Variants in CDK5RAP2 observed in about 807,000 individuals in gnomAD.
CDK5RAP2 encodes the protein CDK5 regulatory subunit associated protein 2.
A neutral mutation model predicts 232.9 loss-of-function variants in CDK5RAP2; 147 were observed. The observed-to-expected ratio is 0.63, with a 90% confidence interval of 0.55 to 0.72. The LOEUF (loss-of-function observed/expected upper bound fraction) is 0.72. Ranked by LOEUF, CDK5RAP2 falls within the 30% of genes least tolerant of loss-of-function variation. CDK5RAP2 has a pLI of 0.00. For missense variants in CDK5RAP2, 2,195 were observed against 2,231.5 expected (o/e 0.98, Z 0.33); for synonymous variants, 833 against 833.7 (o/e 1.00, Z 0.01).
chr9:120,558,475 G>A (rs1294241198), intron 3 of CDK5RAP2, among the ~76,000 whole-genome samples: 1 of 147,892 alleles, frequency 6.8e-6, no homozygotes, highest in South Asian at 2.2e-4. Context: ...ATCACTCCCT[G>A]GTTAAACCCT....
chr9:120,496,753 G>A (rs1266009944), intron 12 of CDK5RAP2, among the ~76,000 whole-genome samples: 2 of 128,286 alleles, frequency 1.6e-5, no homozygotes, highest in South Asian at 2.4e-4. Context: ...TCAGCCCCCC[G>A]CCCGGCCAGC....
chr9:120,395,257 G>A (rs2032360457), intron 35 of CDK5RAP2, among the ~76,000 whole-genome samples: 1 of 152,188 alleles, frequency 6.6e-6, no homozygotes, highest in Non-Finnish European at 1.5e-5. Context: ...ATATTGAGAT[G>A]TCATCAAAAT....
intron 3 of CDK5RAP2, among the ~76,000 whole-genome samples, chr9:120,567,766 C>T (rs1315187043): frequency 6.6e-6 from 1 of 152,172 alleles, no homozygotes; most frequent in African/African-American, 2.4e-5. Flanking sequence ...CAAGGGGAGG[C>T]ACAATGCAGT....
intron 16 of CDK5RAP2, 148 bp from the exon 17 acceptor site, chr9:120,470,368 G>A (rs1564264553): frequency 3.6e-6 from 2 of 548,284 alleles, no homozygotes; most frequent in Non-Finnish European, 6.5e-6. Flanking sequence ...TACACAGAGG[G>A]GGCTTAAGGC....
chr9:120,393,377 A>G (rs1195490058), intron 36 of CDK5RAP2, among the ~76,000 whole-genome samples: 1 of 152,172 alleles, frequency 6.6e-6, no homozygotes, highest in Non-Finnish European at 1.5e-5. Flanking sequence ...CAGTCCAAAC[A>G]CTGGCAGTCT....
intron 27 of CDK5RAP2, among the ~76,000 whole-genome samples, chr9:120,419,161 C>T (rs1356858509): frequency 6.6e-6 from 1 of 152,196 alleles, no homozygotes; most frequent in Non-Finnish European, 1.5e-5. Context: ...CAGTCTGCAA[C>T]CTGGAAGAAG....
chr9:120,498,322 G>A (rs1292897514), intron 12 of CDK5RAP2, among the ~76,000 whole-genome samples: 1 of 152,104 alleles, frequency 6.6e-6, no homozygotes, highest in Admixed American at 6.5e-5. Context: ...CTGGTGTTGG[G>A]TCTGATCACC....
At chr9:120,565,157 T>A (rs12348950) in intron 3 of CDK5RAP2, among the ~76,000 whole-genome samples, 2 of 152,084 alleles carry the variant, frequency 1.3e-5, no homozygotes, top group Non-Finnish European at 2.9e-5. Context: ...ATAGAAGACC[T>A]GGGTTCAAAG....
intron 15 of CDK5RAP2, among the ~76,000 whole-genome samples, chr9:120,476,232 A>C (rs2038002376): frequency 6.6e-6 from 1 of 151,404 alleles, no homozygotes; most frequent in South Asian, 2.1e-4. Context: ...AAAAAAAAAA[A>C]CTACTGTAAT....
intron 3 of CDK5RAP2, among the ~76,000 whole-genome samples, chr9:120,560,029 T>C (rs1179407307): frequency 6.6e-6 from 1 of 152,170 alleles, no homozygotes; most frequent in Non-Finnish European, 1.5e-5. Flanking sequence ...TAACTCTGGC[T>C]ATCCGCTTCA....
Position 120,460,638 on chromosome 9 carries a change from C to T in CDK5RAP2, c.2136G>A (p.Thr712=), listed in dbSNP as rs777697843. The T allele has an allele frequency of 3.3e-5, 53 of 1,613,962 alleles. No individual in the cohort carries two copies. Among genetic ancestry groups the T allele is most frequent in the East Asian group, 4.5e-5 (2 of 44,890 alleles). The change falls in exon 19 of 38, where the codon ACG becomes ACA. Residue 712 remains threonine (T), a synonymous_variant. Coordinates refer to ENST00000349780, the MANE Select transcript of CDK5RAP2 (RefSeq NM_018249.6). ...TCTCGTCATCCTCCCCAATTTTGAT[C>T]GTGTCCTCGTCCTCCTTGCTAGCCA... ...ELLASKEDED[T]IKIGEDDEIN... is the part of the protein sequence containing the mutation.
At chr9:120,489,035 T>C (rs1399939228) in intron 13 of CDK5RAP2, among the ~76,000 whole-genome samples, 1 of 152,214 alleles carries the variant, frequency 6.6e-6, no homozygotes, top group Non-Finnish European at 1.5e-5. Flanking sequence ...CAAGAGTACA[T>C]AGGAGGCAAA....
intron 12 of CDK5RAP2, among the ~76,000 whole-genome samples, chr9:120,503,832 G>A (rs2039687032): frequency 6.6e-6 from 1 of 151,816 alleles, no homozygotes; most frequent in African/African-American, 2.4e-5. Context: ...TTCCTCACAT[G>A]GCCATGGCAT....
In CDK5RAP2 at chr9:120,409,376, A is replaced by T. The variant is rs2033703769; in HGVS notation, c.4415-60T>A. 4 of 1,166,814 alleles carry T rather than the reference A, an allele frequency of 3.4e-6. No homozygotes were observed. In the Admixed American group the frequency reaches 7.9e-5, roughly 23 times the overall value. 72.3% of individuals were successfully genotyped at this position (1,166,814 alleles called of 1,614,324 possible). Reference sequence around the variant, plus strand: ...ACCATTTGTTTTTTCCAACCTTATTATATAAATACAGCACTTCAAGAATAC... The same window carrying T: ...ACCATTTGTTTTTTCCAACCTTATTTTATAAATACAGCACTTCAAGAATAC... On this transcript the variant is annotated intron_variant, in intron 29 of 37. Coordinates refer to ENST00000349780, the MANE Select transcript of CDK5RAP2 (RefSeq NM_018249.6).
intron 36 of CDK5RAP2, among the ~76,000 whole-genome samples, chr9:120,391,521 T>A (rs2031976183): frequency 6.6e-6 from 1 of 152,112 alleles, no homozygotes; most frequent in Non-Finnish European, 1.5e-5. Flanking sequence ...TGACAGGTGG[T>A]TTCCAACGGT....
intron 12 of CDK5RAP2, among the ~76,000 whole-genome samples, chr9:120,493,533 G>A (rs1194799762): frequency 2.0e-5 from 3 of 152,136 alleles, no homozygotes; most frequent in African/African-American, 7.2e-5. Flanking sequence ...CAAAAAGAGG[G>A]ACTATCAAAT....
chr9:120,445,681 C>T (rs1392896368), intron 22 of CDK5RAP2, among the ~76,000 whole-genome samples: 3 of 152,208 alleles, frequency 2.0e-5, no homozygotes, highest in African/African-American at 7.2e-5. Context: ...TGGATCCCTC[C>T]TACCTCACTG....
chr9:120,575,218 A>AT (rs1345342912), intron 1 of CDK5RAP2, among the ~76,000 whole-genome samples: 1 of 151,804 alleles, frequency 6.6e-6, no homozygotes, highest in African/African-American at 2.4e-5. Context: ...CGCCCGGCTA[A>AT]TTTTTTGTAC....
chr9:120,560,579 C>A (rs1348798214), intron 3 of CDK5RAP2, among the ~76,000 whole-genome samples: 18 of 152,268 alleles, frequency 1.2e-4, no homozygotes, highest in African/African-American at 4.1e-4. Context: ...ATTTTTACAT[C>A]TAGGGAAGTA....
Sources: gnomAD v4.1 joint callset for allele counts (sites outside exome capture counted in the v4.1 genomes callset) on GRCh38, gnomAD v4.1.1 for gene constraint, MANE v1.5 for transcripts, NCBI Gene and HGNC (gene_info 2026-07-23, HGNC 2026-07-21) for gene names.